GPATCH2: variants seen among roughly 807,000 people sequenced by gnomAD.
The protein encoded by GPATCH2 is G patch domain-containing protein 2.
In GPATCH2, 51 loss-of-function variants were observed where a neutral mutation model predicts 58.0. The ratio of observed to expected loss-of-function variants is 0.88; its 90% CI spans 0.70 to 1.11. GPATCH2 has a LOEUF of 1.11. GPATCH2 is among the 50% of genes most tolerant of loss of function. The pLI, the probability that GPATCH2 is intolerant of heterozygous loss-of-function variation, is 0.00. For missense variants in GPATCH2, 625 were observed against 652.2 expected (o/e 0.96, Z 0.45); for synonymous variants, 222 against 218.5 (o/e 1.02, Z -0.14).
intron 8 of GPATCH2, among the ~76,000 whole-genome samples, chr1:217,480,794 T>C (rs1450386813): frequency 6.6e-6 from 1 of 152,174 alleles, no homozygotes; most frequent in Non-Finnish European, 1.5e-5. Context: ...AATGGAGTAG[T>C]ATTCAGCCAT....
rs575973045 is a variant in GPATCH2, at chr1:217,431,084, T to A, written c.*61A>T. 22 of 876,046 alleles carry A rather than the reference T, an allele frequency of 2.5e-5. No individual in the cohort carries two copies. The African/African-American group carries it at 3.3e-4, about 13-fold the overall frequency. The allele number at this position is 876,046 out of a possible 1,614,324, so 54.3% of individuals were successfully genotyped here. The stretch of plus-strand genomic sequence containing the variant: ...TGCTTCAAAAACAGAAGTCATGTTA[T>A]CATTTTAGAACAATGGGACATAGTG... On this transcript the variant is annotated 3_prime_UTR_variant, in exon 10 of 10. Transcript: ENST00000366935.
At chr1:217,464,049 A>C (rs1018488843) in intron 8 of GPATCH2, among the ~76,000 whole-genome samples, 1 of 152,144 alleles carries the variant, frequency 6.6e-6, no homozygotes, top group Non-Finnish European at 1.5e-5. Flanking sequence ...CCTAAAAGAA[A>C]TTAAACCCTG....
chr1:217,580,181 A>G (rs1667000377), intron 5 of GPATCH2, among the ~76,000 whole-genome samples: 1 of 152,188 alleles, frequency 6.6e-6, no homozygotes, highest in Non-Finnish European at 1.5e-5. Context: ...ATCTCCTTAA[A>G]TATTTTTGAT....
At chr1:217,539,678 G>A (rs888049226) in intron 5 of GPATCH2, among the ~76,000 whole-genome samples, 1 of 152,134 alleles carries the variant, frequency 6.6e-6, no homozygotes, top group Admixed American at 6.6e-5. Flanking sequence ...TAGAATTTCT[G>A]GAGTAATACA....
At chr1:217,507,373 C>A (rs918455456) in intron 6 of GPATCH2, among the ~76,000 whole-genome samples, 1 of 152,158 alleles carries the variant, frequency 6.6e-6, no homozygotes, top group Non-Finnish European at 1.5e-5. Context: ...AGAGGCCCTG[C>A]TAAACTTTAT....
At chr1:217,477,407 C>A (rs547243771) in intron 8 of GPATCH2, among the ~76,000 whole-genome samples, 1 of 152,036 alleles carries the variant, frequency 6.6e-6, no homozygotes. Flanking sequence ...GCACGGAGCA[C>A]CAAGTGGGAT....
At chr1:217,539,257 C>T (rs900693933) in intron 5 of GPATCH2, among the ~76,000 whole-genome samples, 2 of 151,374 alleles carry the variant, frequency 1.3e-5, no homozygotes, top group Admixed American at 6.6e-5. Context: ...GTAAATACCA[C>T]GTTGAAAAAA....
At chr1:217,568,076 C>T (rs1666344630) in intron 5 of GPATCH2, among the ~76,000 whole-genome samples, 1 of 152,126 alleles carries the variant, frequency 6.6e-6, no homozygotes, top group Non-Finnish European at 1.5e-5. Context: ...GAGATCGTGC[C>T]ACTGCACTCC....
At chr1:217,588,261 G>C (rs1481427804) in intron 5 of GPATCH2, among the ~76,000 whole-genome samples, 1 of 152,060 alleles carries the variant, frequency 6.6e-6, no homozygotes, top group Non-Finnish European at 1.5e-5. Flanking sequence ...AGAAGCATAG[G>C]AAAGACTCAA....
At chr1:217,622,352 C>T (rs563598217) in intron 1 of GPATCH2, among the ~76,000 whole-genome samples, 1 of 152,062 alleles carries the variant, frequency 6.6e-6, no homozygotes, top group African/African-American at 2.4e-5. Flanking sequence ...CATGGCATTG[C>T]GGTTTGGTTA....
intron 8 of GPATCH2, among the ~76,000 whole-genome samples, chr1:217,491,172 T>G (rs1038124541): frequency 6.6e-6 from 1 of 152,200 alleles, no homozygotes; most frequent in African/African-American, 2.4e-5. Flanking sequence ...ATTTGCACAA[T>G]TTGAAAATAT....
intron 5 of GPATCH2, among the ~76,000 whole-genome samples, chr1:217,579,310 T>G (rs1666947822): frequency 6.6e-6 from 1 of 151,906 alleles, no homozygotes; most frequent in African/African-American, 2.4e-5. Context: ...GCAATGGCAA[T>G]TCATTAAAGA....
chr1:217,553,328 C>A (rs1330383669), intron 5 of GPATCH2, among the ~76,000 whole-genome samples: 1 of 152,040 alleles, frequency 6.6e-6, no homozygotes, highest in East Asian at 1.9e-4. Context: ...AATGAATACT[C>A]AACAGACTCT....
chr1:217,627,732 A>C (rs1018229916), intron 1 of GPATCH2, among the ~76,000 whole-genome samples: 4 of 152,024 alleles, frequency 2.6e-5, no homozygotes, highest in Non-Finnish European at 5.9e-5. Flanking sequence ...AAAAAGTCTA[A>C]CCCTAGTTTC....
At chr1:217,524,117 G>A (rs1663668241) in intron 5 of GPATCH2, among the ~76,000 whole-genome samples, 1 of 151,450 alleles carries the variant, frequency 6.6e-6, no homozygotes, top group Non-Finnish European at 1.5e-5. Flanking sequence ...TGGCTGCCGG[G>A]CAGAGACGCT....
intron 5 of GPATCH2, among the ~76,000 whole-genome samples, chr1:217,533,396 G>C (rs558109057): frequency 6.6e-6 from 1 of 152,216 alleles, no homozygotes; most frequent in African/African-American, 2.4e-5. Flanking sequence ...CCACTGCACA[G>C]TTGTGAAAAA....
At chr1:217,595,185 G>A (rs190328109) in intron 5 of GPATCH2, among the ~76,000 whole-genome samples, 1 of 152,214 alleles carries the variant, frequency 6.6e-6, no homozygotes, top group African/African-American at 2.4e-5. Flanking sequence ...TATGAAAGGG[G>A]CTAATGCCAA....
intron 5 of GPATCH2, among the ~76,000 whole-genome samples, chr1:217,546,419 G>C (rs1446550538): frequency 1.3e-5 from 2 of 152,026 alleles, no homozygotes; most frequent in Non-Finnish European, 2.9e-5. Context: ...AGACACATAG[G>C]CCAATGGAAT....
At chr1:217,524,989 G>C (rs535140638) in intron 5 of GPATCH2, among the ~76,000 whole-genome samples, 1 of 129,580 alleles carries the variant, frequency 7.7e-6, no homozygotes, top group Admixed American at 8.3e-5. Context: ...AAAGCTTCTC[G>C]TGTGTGGGAA....
Sources: allele counts gnomAD v4.1 joint callset (sites outside exome capture counted in the v4.1 genomes callset), GRCh38; gene constraint gnomAD v4.1.1; transcripts MANE v1.5; gene names NCBI Gene and HGNC (gene_info 2026-07-23, HGNC 2026-07-21).